The following ADAM18 variants were observed in gnomAD, a reference collection of about 807,000 sequenced individuals.
ADAM18 encodes the protein disintegrin and metalloproteinase domain-containing protein 18.
In ADAM18, 117 loss-of-function variants were observed where a neutral mutation model predicts 94.4. The observed-to-expected ratio is 1.24, with a 90% CI of 1.07 to 1.45. The LOEUF is 1.45. ADAM18 is among the 40% of genes most tolerant of loss of function. The pLI is 0.00. For missense variants in ADAM18, 936 were observed against 880.0 expected (o/e 1.06, Z -0.81); for synonymous variants, 327 against 291.6 (o/e 1.12, Z -1.24).
At chr8:39,707,153 G>A (rs1822263995) in intron 18 of ADAM18, among the ~76,000 whole-genome samples, 1 of 152,164 alleles carries the variant, frequency 6.6e-6, no homozygotes, top group South Asian at 2.1e-4. Flanking sequence ...CTCAGTAACA[G>A]CAATGATTAA....
intron 17 of ADAM18, among the ~76,000 whole-genome samples, chr8:39,693,462 C>G (rs1286981122): frequency 6.6e-6 from 1 of 150,382 alleles, no homozygotes; most frequent in Non-Finnish European, 1.5e-5. Context: ...CATTTTAGTT[C>G]TTCAGCCTTA....
intron 18 of ADAM18, among the ~76,000 whole-genome samples, chr8:39,710,222 T>C (rs1371352931): frequency 6.6e-6 from 1 of 152,206 alleles, no homozygotes; most frequent in East Asian, 1.9e-4. Flanking sequence ...AGGACTTCCT[T>C]TTTTGGCTGT....
chr8:39,644,981 A>G (rs552230573), intron 10 of ADAM18, among the ~76,000 whole-genome samples: 13 of 152,268 alleles, frequency 8.5e-5, no homozygotes, highest in Admixed American at 2.6e-4. Flanking sequence ...CCTACCATCT[A>G]TCATAATGCC....
intron 14 of ADAM18, among the ~76,000 whole-genome samples, chr8:39,675,074 CT>C (rs1821265196): frequency 6.6e-6 from 1 of 152,170 alleles, no homozygotes; most frequent in African/African-American, 2.4e-5. Context: ...TTCATTTCAA[CT>C]TTGGTGAATC....
intron 6 of ADAM18, among the ~76,000 whole-genome samples, chr8:39,613,696 A>G (rs1819349552): frequency 6.6e-6 from 1 of 152,178 alleles, no homozygotes; most frequent in Non-Finnish European, 1.5e-5. Context: ...GATTTAGGAG[A>G]AAGTTGAAAC....
intron 2 of ADAM18, among the ~76,000 whole-genome samples, chr8:39,597,480 TA>T (rs1466729208): frequency 3.3e-5 from 5 of 152,200 alleles, no homozygotes; most frequent in Non-Finnish European, 7.4e-5. Flanking sequence ...TAGATTTATT[TA>T]TTTTTTTACG....
At chr8:39,595,804 G>A (rs1818725909) in intron 2 of ADAM18, among the ~76,000 whole-genome samples, 1 of 152,158 alleles carries the variant, frequency 6.6e-6, no homozygotes, top group African/African-American at 2.4e-5. Context: ...GATTGCAGGA[G>A]TGAGCCACCA....
intron 12 of ADAM18, among the ~76,000 whole-genome samples, chr8:39,649,863 C>A (rs562622931): frequency 2.8e-4 from 42 of 152,228 alleles, no homozygotes; most frequent in African/African-American, 9.9e-4. Flanking sequence ...TATCATAGTT[C>A]TTTAACTGTG....
intron 6 of ADAM18, among the ~76,000 whole-genome samples, chr8:39,621,135 A>T (rs891598835): frequency 1.3e-5 from 2 of 152,146 alleles, no homozygotes; most frequent in African/African-American, 4.8e-5. Context: ...CATTTCACTG[A>T]AAAGGACATA....
intron 12 of ADAM18, among the ~76,000 whole-genome samples, chr8:39,651,353 G>C (rs996715607): frequency 4.6e-5 from 7 of 152,114 alleles, no homozygotes; most frequent in African/African-American, 1.7e-4. Context: ...TACGGGTGTC[G>C]GGCTGGGGGA....
At chr8:39,622,698 C>A (rs1819649050) in intron 6 of ADAM18, among the ~76,000 whole-genome samples, 1 of 151,914 alleles carries the variant, frequency 6.6e-6, no homozygotes, top group Non-Finnish European at 1.5e-5. Context: ...TTATTTAATG[C>A]TATTTACATC....
intron 12 of ADAM18, among the ~76,000 whole-genome samples, chr8:39,649,479 A>G (rs565373959): frequency 6.6e-6 from 1 of 152,188 alleles, no homozygotes; most frequent in South Asian, 2.1e-4. Context: ...TCCTACCCCT[A>G]AATATGGTAT....
At chr8:39,590,292 G>A (rs1818533110) in intron 2 of ADAM18, among the ~76,000 whole-genome samples, 1 of 152,118 alleles carries the variant, frequency 6.6e-6, no homozygotes, top group African/African-American at 2.4e-5. Context: ...GTGGGGACAT[G>A]GATGAAATTG....
intron 6 of ADAM18, among the ~76,000 whole-genome samples, chr8:39,625,113 A>C (rs1293880767): frequency 1.3e-5 from 2 of 152,150 alleles, no homozygotes; most frequent in Non-Finnish European, 2.9e-5. Flanking sequence ...AATTGCTTGA[A>C]TATGTAGATT....
intron 18 of ADAM18, among the ~76,000 whole-genome samples, chr8:39,716,188 A>G (rs1822572193): frequency 6.6e-6 from 1 of 150,808 alleles, no homozygotes; most frequent in Non-Finnish European, 1.5e-5. Flanking sequence ...TCTGTTTTCT[A>G]TTTCATTTAT....
chr8:39,662,536 T>G (rs1172662104), intron 12 of ADAM18, among the ~76,000 whole-genome samples: 1 of 152,144 alleles, frequency 6.6e-6, no homozygotes, highest in African/African-American at 2.4e-5. Flanking sequence ...AATAAAAGAG[T>G]TAAGAATATA....
intron 6 of ADAM18, among the ~76,000 whole-genome samples, chr8:39,613,073 G>A (rs1055749406): frequency 5.9e-5 from 9 of 152,090 alleles, no homozygotes; most frequent in African/African-American, 1.9e-4. Context: ...CTGCTGCCAT[G>A]CATGCATGCA....
At chr8:39,694,112 A>G (rs917110108) in intron 17 of ADAM18, among the ~76,000 whole-genome samples, 1 of 151,418 alleles carries the variant, frequency 6.6e-6, no homozygotes, top group Non-Finnish European at 1.5e-5. Flanking sequence ...ACATAACAGA[A>G]TATTAAATTC....
At chr8:39,684,319 TAGC>T (rs1299173084) in intron 16 of ADAM18, among the ~76,000 whole-genome samples, 1 of 152,152 alleles carries the variant, frequency 6.6e-6, no homozygotes, top group Non-Finnish European at 1.5e-5. Flanking sequence ...ACCTCTCTCA[TAGC>T]AGCATTTAAT....
Sources: allele counts gnomAD v4.1 joint callset (sites outside exome capture counted in the v4.1 genomes callset), GRCh38; gene constraint gnomAD v4.1.1; transcripts MANE v1.5; gene names NCBI Gene and HGNC (gene_info 2026-07-23, HGNC 2026-07-21).